The following RELL1 variants were observed in gnomAD, a reference collection of about 807,000 sequenced individuals.
RELL1 encodes RELT like 1.
RELL1 carries 10 observed loss-of-function variants against 23.0 expected under a neutral mutation model. The ratio of observed to expected loss-of-function variants is 0.43; its 90% CI spans 0.27 to 0.74. RELL1 has a LOEUF of 0.74. Among genes scored for constraint, RELL1 ranks in the 30% least tolerant of loss-of-function variants. The pLI, the probability that RELL1 is intolerant of heterozygous loss-of-function variation, is 0.19. For missense variants in RELL1, 315 were observed against 364.4 expected, an observed-to-expected ratio of 0.86 and a Z score of 1.10; for synonymous variants, 146 against 146.8, an observed-to-expected ratio of 0.99 and a Z score of 0.04.
intron 6 of RELL1, among the ~76,000 whole-genome samples, chr4:37,602,468 G>C (rs1294699993): frequency 6.6e-6 from 1 of 151,740 alleles, no homozygotes; most frequent in African/African-American, 2.4e-5. Flanking sequence ...TTCCCCATGA[G>C]GCTATGGAAC....
intron 2 of RELL1, among the ~76,000 whole-genome samples, chr4:37,648,266 C>T (rs1167185943): frequency 6.6e-6 from 1 of 152,250 alleles, no homozygotes; most frequent in East Asian, 1.9e-4. Context: ...GCTCCACTTT[C>T]TGTTGACAAA....
rs978165271 is a variant in RELL1 at position 37,612,636 on chromosome 4, CAAA to C, written c.*707_*709del. On this transcript the variant is annotated 3_prime_UTR_variant, in exon 7 of 7. Coordinates refer to ENST00000454158, the MANE Select transcript of RELL1 (RefSeq NM_001085400.2). ...TAGGGGACACAGCGAGACTCTGCCTCAAAAAAAAAAAAAAAAAAACCTTCTCAA... is the reference window on the plus strand; with the variant it reads ...TAGGGGACACAGCGAGACTCTGCCTCAAAAAAAAAAAAAAAACCTTCTCAA... 1.8e-4 allele frequency among the ~76,000 whole-genome samples: 11 copies of C among 60,146 alleles called. No individual in the cohort carries two copies. Among genetic ancestry groups the C allele is most frequent in the African/African-American group, 2.2e-4 (4 of 18,012 alleles). The allele number at this position is 60,146 out of a possible 152,430, so 39.5% of individuals were successfully genotyped here. A position where few individuals can be genotyped will look rare whatever the true frequency, so the allele number is the denominator to read the frequency against.
intron 1 of RELL1, among the ~76,000 whole-genome samples, chr4:37,654,674 T>G (rs1014851450): frequency 6.6e-6 from 1 of 152,158 alleles, no homozygotes; most frequent in Non-Finnish European, 1.5e-5. Context: ...AGTCAAAAAA[T>G]AGCAACACCT....
At chr4:37,636,334 A>G (rs1254338248) in intron 4 of RELL1, among the ~76,000 whole-genome samples, 1 of 152,160 alleles carries the variant, frequency 6.6e-6, no homozygotes, top group East Asian at 1.9e-4. Context: ...GGTGGCTCAC[A>G]CTTGTAATCC....
At chr4:37,673,334 C>T (rs900841226) in intron 1 of RELL1, among the ~76,000 whole-genome samples, 1 of 151,770 alleles carries the variant, frequency 6.6e-6, no homozygotes, top group Non-Finnish European at 1.5e-5. Flanking sequence ...GGATGAAAGG[C>T]ACATGCCACC....
intron 5 of RELL1, among the ~76,000 whole-genome samples, chr4:37,633,012 G>A (rs955126093): frequency 6.6e-6 from 1 of 152,196 alleles, no homozygotes; most frequent in African/African-American, 2.4e-5. Flanking sequence ...CTGTCAAACT[G>A]TAAGACTCTC....
At chr4:37,667,909 G>T (rs990587301) in intron 1 of RELL1, among the ~76,000 whole-genome samples, 7 of 151,478 alleles carry the variant, frequency 4.6e-5, no homozygotes, top group African/African-American at 1.7e-4. Flanking sequence ...TTGTATGAAG[G>T]GATCAGATTT....
chr4:37,629,934 A>G (rs771671188), intron 6 of RELL1, among the ~76,000 whole-genome samples: 22 of 152,248 alleles, frequency 1.4e-4, no homozygotes, highest in Non-Finnish European at 3.1e-4. Context: ...GTGCAACTTC[A>G]TGGAAATCTC....
rs1560323814 is a variant in RELL1 at position 37,604,854 on chromosome 4, C to CAG, written c.*4-13638_*4-13637insCT. On this transcript the variant is annotated intron_variant, in intron 6 of 6. Coordinates refer to the RELL1 transcript ENST00000314117. ...ACATACACACAGACACACACACAGA[C>CAG]ACACACACACAGACACACACACACA... Among the ~76,000 whole-genome samples the CAG allele has an allele frequency of 8.5e-3, 507 of 59,468 alleles. 1 individual carries two copies. Among genetic ancestry groups the CAG allele is most frequent in the African/African-American group, 0.021 (372 of 18,070 alleles). The allele number at this position is 59,468 out of a possible 152,430, so 39.0% of individuals were successfully genotyped here.
At chr4:37,595,712 T>C (rs1184779050) in intron 6 of RELL1, among the ~76,000 whole-genome samples, 1 of 151,768 alleles carries the variant, frequency 6.6e-6, no homozygotes, top group Admixed American at 6.6e-5. Flanking sequence ...ATAATGAGGC[T>C]TGTGGTGGTC....
intron 6 of RELL1, among the ~76,000 whole-genome samples, chr4:37,618,867 TTTTTCTTTTC>T (rs148419339): frequency 3.7e-4 from 56 of 150,772 alleles, no homozygotes; most frequent in African/African-American, 8.5e-4. Flanking sequence ...TGGTTGGTCG[TTTTTCTTTTC>T]TTTTCTTTTC....
intron 6 of RELL1, among the ~76,000 whole-genome samples, chr4:37,604,798 G>GACACACACAC (rs368655689): frequency 6.0e-5 from 7 of 116,430 alleles, no homozygotes; most frequent in Admixed American, 8.3e-5. Flanking sequence ...CACACACACA[G>GACACACACAC]ACACACACAC....
chr4:37,599,395 G>A (rs565497576), intron 6 of RELL1, among the ~76,000 whole-genome samples: 8 of 152,262 alleles, frequency 5.3e-5, no homozygotes, highest in Admixed American at 1.3e-4. Context: ...TTGATTGGTC[G>A]AAGAGTACAG....
At chr4:37,647,217 A>G in intron 3 of RELL1, 151 bp downstream of exon 3, 2 of 572,642 alleles carry the variant, frequency 3.5e-6, no homozygotes, top group Non-Finnish European at 6.3e-6. Flanking sequence ...CTCATGTGAA[A>G]CTTGCGTAGC....
At chr4:37,640,792 T>C (rs1233734658) in intron 3 of RELL1, among the ~76,000 whole-genome samples, 2 of 152,164 alleles carry the variant, frequency 1.3e-5, no homozygotes, top group Non-Finnish European at 2.9e-5. Flanking sequence ...GTTAAATCCA[T>C]AGGTGCAGAT....
chr4:37,637,461 T>C (rs2109267078), intron 4 of RELL1, among the ~76,000 whole-genome samples: 2 of 152,300 alleles, frequency 1.3e-5, no homozygotes, highest in South Asian at 4.1e-4. Context: ...TGTGGTGACT[T>C]TTCTTCTGGC....
chr4:37,596,443 C>A (rs891698252), intron 6 of RELL1, among the ~76,000 whole-genome samples: 6 of 39,248 alleles, frequency 1.5e-4, no homozygotes, highest in Admixed American at 8.9e-4. Flanking sequence ...GCAGGGATTG[C>A]CACACCTTTT....
At chr4:37,650,426 A>G (rs1244547969) in intron 1 of RELL1, among the ~76,000 whole-genome samples, 1 of 152,218 alleles carries the variant, frequency 6.6e-6, no homozygotes, top group Non-Finnish European at 1.5e-5. Context: ...TAGAGTGATG[A>G]ACAACGTAAC....
At chr4:37,588,370 C>T (rs149999946), downstream of RELL1, 781 of 156,722 alleles carry the variant, frequency 5.0e-3, 15 homozygotes, top group African/African-American at 0.018. Flanking sequence ...ACAATGGATC[C>T]GCCAGCTTAT....
Sources: gnomAD v4.1 joint callset for allele counts (sites outside exome capture counted in the v4.1 genomes callset) on GRCh38, gnomAD v4.1.1 for gene constraint, MANE v1.5 for transcripts, NCBI Gene and HGNC (gene_info 2026-07-23, HGNC 2026-07-21) for gene names.